Variants in ZNF831 observed in about 807,000 individuals in gnomAD.
ZNF831 encodes zinc finger protein 831, also known as chromosome 20 open reading frame 174.
ZNF831 carries 59 observed loss-of-function variants against 95.8 expected under a neutral mutation model. That is an observed-to-expected ratio of 0.62 (90% CI 0.50 to 0.77). ZNF831 has a LOEUF of 0.77. Ranked by LOEUF, ZNF831 falls within the 30% of genes least tolerant of loss-of-function variation. ZNF831 has a pLI of 0.00. For missense variants in ZNF831, 2,205 were observed against 2,164.0 expected (o/e 1.02, Z -0.38); for synonymous variants, 961 against 925.5 (o/e 1.04, Z -0.70).
At chr20:59,233,330 T>C (rs567761071) in intron 4 of ZNF831, among the ~76,000 whole-genome samples, 1 of 152,124 alleles carries the variant, frequency 6.6e-6, no homozygotes, top group Non-Finnish European at 1.5e-5. Context: ...TGCACCATTT[T>C]GGCCTAGGTT....
upstream of ZNF831, among the ~76,000 whole-genome samples, chr20:59,161,674 A>G (rs532850704): frequency 6.6e-6 from 1 of 152,328 alleles, no homozygotes; most frequent in African/African-American, 2.4e-5. Context: ...ACAGGCACCC[A>G]GGTTGATTCC....
At chr20:59,137,130 A>G (rs1029066645) in intron 1 of ZNF831, among the ~76,000 whole-genome samples, 5 of 152,214 alleles carry the variant, frequency 3.3e-5, no homozygotes, top group Non-Finnish European at 7.3e-5. Flanking sequence ...TGATTATTAT[A>G]CAGAAGAAAA....
chr20:59,253,757 T>A lies in ZNF831; in HGVS notation c.4189-141T>A. On this transcript the variant is annotated intron_variant, in intron 5 of 5. Coordinates refer to ENST00000371030, the MANE Select transcript of ZNF831 (RefSeq NM_178457.3). ...TATTAATGGAAACTTATTGAGGGCG[T>A]CATATTGAAGTTCACCCTTGGTAAA... is the stretch of plus-strand genomic sequence containing the variant. The A allele has an allele frequency of 4.4e-6, 4 of 900,384 alleles. No homozygotes were observed. In the South Asian group the frequency reaches 8.2e-5, roughly 18 times the overall value. The allele number at this position is 900,384 out of a possible 1,614,324, so 55.8% of individuals were successfully genotyped here.
intron 4 of ZNF831, among the ~76,000 whole-genome samples, chr20:59,226,880 A>G (rs1986462887): frequency 6.6e-6 from 1 of 152,076 alleles, no homozygotes; most frequent in Non-Finnish European, 1.5e-5. Flanking sequence ...TAGTCCTTTT[A>G]GAATCCAAGT....
intron 1 of ZNF831, among the ~76,000 whole-genome samples, chr20:59,134,540 T>C (rs1378863424): frequency 1.3e-5 from 2 of 152,184 alleles, no homozygotes; most frequent in African/African-American, 4.8e-5. Flanking sequence ...TCTGAGAAGC[T>C]ACAGGTGAGA....
At chr20:59,157,555 C>A (rs113317943) in intron 2 of ZNF831, among the ~76,000 whole-genome samples, 8 of 152,228 alleles carry the variant, frequency 5.3e-5, no homozygotes, top group African/African-American at 1.9e-4. Context: ...AGGTCATAGG[C>A]CACCAAAAGG....
At chr20:59,167,314 T>C (rs958380125) in intron 1 of ZNF831, among the ~76,000 whole-genome samples, 5 of 152,204 alleles carry the variant, frequency 3.3e-5, no homozygotes, top group Admixed American at 6.5e-5. Flanking sequence ...ATTTTCATAG[T>C]TCTGTATAGA....
intron 3 of ZNF831, 32 bp downstream of exon 3, chr20:59,196,037 CA>C: frequency 2.5e-6 from 4 of 1,607,518 alleles, no homozygotes; most frequent in Non-Finnish European, 2.5e-6. Context: ...GTCATTTCCA[CA>C]AAACCCCAAG....
At chr20:59,234,075 CA>C (rs1303510162) in intron 4 of ZNF831, among the ~76,000 whole-genome samples, 1 of 152,180 alleles carries the variant, frequency 6.6e-6, no homozygotes, top group Admixed American at 6.5e-5. Context: ...CATGGTGGGC[CA>C]CCTTGGGGTA....
chr20:59,191,913 G>C lies in ZNF831; in HGVS notation c.894G>C (p.Trp298Cys), dbSNP rs2146556269. 6.2e-7 allele frequency: 1 copy of C among 1,612,346 alleles called. No individual in the cohort carries two copies. Among genetic ancestry groups the C allele is most frequent in the Non-Finnish European group, 8.5e-7 (1 of 1,179,826 alleles). Residue 298 changes from tryptophan to cysteine, a missense_variant, in exon 2 of 6, where the codon TGG becomes TGC. By Grantham distance (215) the Trp-to-Cys change is radical. Transcript: ENST00000371030. Reference sequence around the variant, plus strand: ...TCCCAGCGGCCAGCACACAACCCTGGCGTAAGTTGCCAGAGCAGAAGTCGC... The same window carrying C: ...TCCCAGCGGCCAGCACACAACCCTGCCGTAAGTTGCCAGAGCAGAAGTCGC... ...PGLPAASTQP[W>C]RKLPEQKSPT... is the part of the protein sequence containing the mutation.
At chr20:59,212,426 A>C (rs899053881) in intron 4 of ZNF831, among the ~76,000 whole-genome samples, 2 of 152,314 alleles carry the variant, frequency 1.3e-5, no homozygotes, top group East Asian at 1.9e-4. Context: ...CCGGTAGTCC[A>C]TTCCATCCAA....
chr20:59,191,921 T>G lies in ZNF831; in HGVS notation c.902T>G (p.Leu301Trp), dbSNP rs1601366288. ...GCCAGCACACAACCCTGGCGTAAGT[T>G]GCCAGAGCAGAAGTCGCCGACCGCC... ...PAASTQPWRK[L>W]PEQKSPTAGK... The change falls in exon 2 of 6, where the codon TTG becomes TGG. Residue 301 changes from leucine to tryptophan, a missense_variant. Coordinates refer to ENST00000371030, the MANE Select transcript of ZNF831 (RefSeq NM_178457.3). The G allele has an allele frequency of 6.2e-7, 1 of 1,611,846 alleles. No homozygotes were observed. Among genetic ancestry groups the G allele is most frequent in the Admixed American group, 1.7e-5 (1 of 59,984 alleles).
At chr20:59,210,075 C>G (rs1601401973) in intron 4 of ZNF831, among the ~76,000 whole-genome samples, 1 of 152,174 alleles carries the variant, frequency 6.6e-6, no homozygotes, top group South Asian at 2.1e-4. Context: ...TATCTGTGAA[C>G]CAACAGAAGT....
intron 4 of ZNF831, among the ~76,000 whole-genome samples, chr20:59,222,238 G>GC (rs1443481706): frequency 6.6e-5 from 10 of 152,328 alleles, no homozygotes; most frequent in East Asian, 3.9e-4. Context: ...GCTGAGCTGG[G>GC]CTGGGGGTCG....
chr20:59,237,598 T>G (rs745766270), intron 4 of ZNF831, among the ~76,000 whole-genome samples: 1 of 152,022 alleles, frequency 6.6e-6, no homozygotes, highest in South Asian at 2.1e-4. Context: ...GCATCCCAGG[T>G]GTTGGGATTA....
intron 4 of ZNF831, among the ~76,000 whole-genome samples, chr20:59,251,623 G>T (rs756936750): frequency 2.0e-5 from 3 of 152,206 alleles, no homozygotes; most frequent in African/African-American, 4.8e-5. Context: ...GCACAGCGGG[G>T]ATGAAGGGAG....
chr20:59,235,918 C>T (rs1237594768), intron 4 of ZNF831, among the ~76,000 whole-genome samples: 1 of 152,184 alleles, frequency 6.6e-6, no homozygotes, highest in African/African-American at 2.4e-5. Flanking sequence ...GCCTTGGGTC[C>T]TCACATGTAG....
At chr20:59,220,145 G>A (rs1235127987) in intron 4 of ZNF831, among the ~76,000 whole-genome samples, 1 of 152,072 alleles carries the variant, frequency 6.6e-6, no homozygotes, top group Non-Finnish European at 1.5e-5. Context: ...CTCAGCAGAG[G>A]GCCACAAATG....
At chr20:59,240,235 G>T (rs1480676434) in intron 4 of ZNF831, among the ~76,000 whole-genome samples, 1 of 151,814 alleles carries the variant, frequency 6.6e-6, no homozygotes, top group Non-Finnish European at 1.5e-5. Flanking sequence ...GAATTTTCTG[G>T]ATGCTTGACA....
Sources: gnomAD v4.1 joint callset for allele counts (sites outside exome capture counted in the v4.1 genomes callset) on GRCh38, gnomAD v4.1.1 for gene constraint, MANE v1.5 for transcripts, NCBI Gene and HGNC (gene_info 2026-07-23, HGNC 2026-07-21) for gene names.